The following C8orf34 variants were observed in gnomAD, a reference collection of about 807,000 sequenced individuals.
C8orf34 encodes the protein uncharacterized protein C8orf34.
A neutral mutation model predicts 68.3 loss-of-function variants in C8orf34; 65 were observed. The ratio of observed to expected loss-of-function variants is 0.95; its 90% CI spans 0.78 to 1.17. C8orf34 has a LOEUF of 1.17. Among genes scored for constraint, C8orf34 ranks in the 50% most tolerant of loss-of-function variants. The pLI, the probability that C8orf34 is intolerant of heterozygous loss-of-function variation, is 0.00. For missense variants in C8orf34, 664 were observed against 655.4 expected, an observed-to-expected ratio of 1.01 and a Z score of -0.14; for synonymous variants, 244 against 241.2, an observed-to-expected ratio of 1.01 and a Z score of -0.11.
In C8orf34 at chr8:68,331,248, C is replaced by G. The variant is rs770320333; in HGVS notation, c.236C>G (p.Ser79Cys). The G allele has an allele frequency of 6.5e-7, 1 of 1,536,336 alleles. No homozygotes were observed. The highest frequency in any genetic ancestry group is 1.4e-5 in the African/African-American group (1 of 73,182). Residue 79 changes from serine to cysteine, a missense_variant, in exon 1 of 14, where the codon TCT (serine) becomes TGT (cysteine). Ser to Cys is a moderately radical substitution (Grantham distance 112, BLOSUM62 -1). Coordinates refer to ENST00000518698, the MANE Select transcript of C8orf34 (RefSeq NM_052958.4). The part of the protein sequence containing the change: ...GAQPRVLPAL[S>C]SRSHLFPMAS... The stretch of plus-strand genomic sequence containing the variant: ...CAGCCGCGCGTTCTCCCTGCACTCT[C>G]TTCGCGGTCCCATCTGTTCCCCATG...
At chr8:68,579,693 A>G (rs1033982983) in intron 7 of C8orf34, among the ~76,000 whole-genome samples, 2 of 152,144 alleles carry the variant, frequency 1.3e-5, no homozygotes, top group Admixed American at 1.3e-4. Flanking sequence ...TCCCATCACC[A>G]TTTGTGGTCC....
At chr8:68,693,490 A>G (rs1210544370) in intron 8 of C8orf34, among the ~76,000 whole-genome samples, 3 of 152,122 alleles carry the variant, frequency 2.0e-5, no homozygotes, top group African/African-American at 7.2e-5. Flanking sequence ...GGTGAAATAG[A>G]TTTGAAAGTT....
intron 12 of C8orf34, among the ~76,000 whole-genome samples, chr8:68,805,905 T>A (rs957963457): frequency 1.3e-5 from 2 of 152,102 alleles, no homozygotes; most frequent in Admixed American, 6.5e-5. Flanking sequence ...CACTATATTA[T>A]GTTTTCATTT....
intron 8 of C8orf34, among the ~76,000 whole-genome samples, chr8:68,697,277 C>A (rs1469620333): frequency 6.6e-6 from 1 of 152,026 alleles, no homozygotes; most frequent in Non-Finnish European, 1.5e-5. Context: ...TATTGTTACA[C>A]TATTGAGAAT....
intron 7 of C8orf34, among the ~76,000 whole-genome samples, chr8:68,576,410 A>G (rs924212687): frequency 1.3e-5 from 2 of 151,682 alleles, no homozygotes; most frequent in African/African-American, 4.9e-5. Flanking sequence ...ATGGAAAGTT[A>G]TCAAAACCTA....
At chr8:68,598,458 G>T (rs149435791) in intron 7 of C8orf34, among the ~76,000 whole-genome samples, 37 of 152,122 alleles carry the variant, frequency 2.4e-4, no homozygotes, top group Admixed American at 2.4e-3. Flanking sequence ...ACAGCAAAGC[G>T]CACCAGTGGG....
chr8:68,532,906 TA>T, intron 6 of C8orf34, 76 bp from the exon 7 acceptor site: 1 of 1,091,844 alleles, frequency 9.2e-7, no homozygotes, highest in Non-Finnish European at 1.3e-6. Context: ...ACGTGTGTAA[TA>T]AAATAACCAA....
chr8:68,780,887 A>G (rs1030513224), intron 11 of C8orf34, among the ~76,000 whole-genome samples: 4 of 152,204 alleles, frequency 2.6e-5, no homozygotes, highest in African/African-American at 4.8e-5. Context: ...ATTTTAACGG[A>G]AGTGATTTTT....
intron 1 of C8orf34, among the ~76,000 whole-genome samples, chr8:68,406,115 G>C (rs1809181118): frequency 6.6e-6 from 1 of 152,142 alleles, no homozygotes; most frequent in East Asian, 1.9e-4. Flanking sequence ...TTTGGCCTGG[G>C]GACCCAACAT....
chr8:68,512,758 T>G (rs1814330069), intron 5 of C8orf34, among the ~76,000 whole-genome samples: 1 of 150,998 alleles, frequency 6.6e-6, no homozygotes, highest in Non-Finnish European at 1.5e-5. Context: ...AAAATTTACA[T>G]TTCCATACCT....
At position 68,650,725 on chromosome 8, in the gene C8orf34, C is replaced by T. The variant is rs560660006; in HGVS notation, c.1241+10214C>T. Among the ~76,000 whole-genome samples the T allele has an allele frequency of 3.7e-3, 558 of 152,086 alleles. 4 individuals are homozygous for T. The highest frequency in any genetic ancestry group is 0.013 in the African/African-American group (526 of 41,484). On this transcript the variant is annotated intron_variant, in intron 8 of 13. Coordinates refer to ENST00000518698, the MANE Select transcript of C8orf34 (RefSeq NM_052958.4). Reference sequence around the variant, plus strand: ...CGATCTCCTGACCTCGTGATCCGCCCGCCTCGGCCTCCCAAAGTGCTGGGA... The same window carrying T: ...CGATCTCCTGACCTCGTGATCCGCCTGCCTCGGCCTCCCAAAGTGCTGGGA...
At chr8:68,690,118 G>T (rs775808964) in intron 8 of C8orf34, among the ~76,000 whole-genome samples, 2 of 152,008 alleles carry the variant, frequency 1.3e-5, no homozygotes, top group Non-Finnish European at 2.9e-5. Flanking sequence ...AAAAACATGT[G>T]TTAGGCTATA....
At chr8:68,735,269 A>T (rs1003796725) in intron 10 of C8orf34, among the ~76,000 whole-genome samples, 1 of 152,144 alleles carries the variant, frequency 6.6e-6, no homozygotes, top group Non-Finnish European at 1.5e-5. Context: ...TATACACAAG[A>T]TTTATTTGTA....
intron 7 of C8orf34, among the ~76,000 whole-genome samples, chr8:68,550,786 C>T (rs1406022789): frequency 3.3e-5 from 5 of 151,102 alleles, no homozygotes; most frequent in Non-Finnish European, 1.5e-5. Flanking sequence ...TTTTTTTTCC[C>T]CCTCAGTGCT....
intron 4 of C8orf34, among the ~76,000 whole-genome samples, chr8:68,472,218 T>G (rs919160393): frequency 6.6e-6 from 1 of 152,162 alleles, no homozygotes; most frequent in Admixed American, 6.5e-5. Flanking sequence ...TAGTGGGTTT[T>G]TGGTGCCTTG....
intron 7 of C8orf34, among the ~76,000 whole-genome samples, chr8:68,545,193 C>G (rs1815834201): frequency 6.6e-6 from 1 of 152,106 alleles, no homozygotes; most frequent in South Asian, 2.1e-4. Context: ...TTTCCCCATA[C>G]TGTTCCCGTG....
intron 7 of C8orf34, among the ~76,000 whole-genome samples, chr8:68,610,423 A>C (rs1345378125): frequency 6.6e-6 from 1 of 152,180 alleles, no homozygotes; most frequent in Non-Finnish European, 1.5e-5. Context: ...TGGCTCTCTG[A>C]TTCATTCCTA....
At chr8:68,642,535 C>G (rs1379640721) in intron 8 of C8orf34, among the ~76,000 whole-genome samples, 4 of 152,154 alleles carry the variant, frequency 2.6e-5, no homozygotes, top group African/African-American at 2.4e-5. Context: ...GGTCAGAGAC[C>G]AAGGACTTTA....
chr8:68,607,630 C>T (rs1817894305), intron 7 of C8orf34, among the ~76,000 whole-genome samples: 1 of 152,110 alleles, frequency 6.6e-6, no homozygotes, highest in African/African-American at 2.4e-5. Context: ...CAGCCCATGA[C>T]ACCTACTTGA....
Sources: gnomAD v4.1 joint callset for allele counts (sites outside exome capture counted in the v4.1 genomes callset) on GRCh38, gnomAD v4.1.1 for gene constraint, MANE v1.5 for transcripts, NCBI Gene and HGNC (gene_info 2026-07-23, HGNC 2026-07-21) for gene names.